Variants in URI1 observed in about 807,000 individuals in gnomAD.
The protein encoded by URI1 is URI1 prefoldin like chaperone.
In URI1, 39 loss-of-function variants were observed where a neutral mutation model predicts 60.2. The observed-to-expected ratio is 0.65, with a 90% CI of 0.50 to 0.85. URI1 has a LOEUF of 0.85. Among genes scored for constraint, URI1 ranks in the 40% least tolerant of loss-of-function variants. The probability of loss-of-function intolerance (pLI) is 0.00; values close to 1 mark genes in which losing one functional copy is unlikely to be tolerated. For missense variants in URI1, 691 were observed against 665.9 expected, an observed-to-expected ratio of 1.04 and a Z score of -0.42; for synonymous variants, 251 against 236.8, an observed-to-expected ratio of 1.06 and a Z score of -0.55.
chr19:29,957,613 G>C (rs1324287975), intron 1 of URI1, among the ~76,000 whole-genome samples: 2 of 151,946 alleles, frequency 1.3e-5, no homozygotes, highest in African/African-American at 4.8e-5. Context: ...TTACTATTCT[G>C]ACCCTTTGCT....
At chr19:29,987,887 G>A (rs934652922) in intron 4 of URI1, among the ~76,000 whole-genome samples, 2 of 152,112 alleles carry the variant, frequency 1.3e-5, no homozygotes, top group East Asian at 3.8e-4. Flanking sequence ...TAAATTCTGG[G>A]CCGGGCGCAG....
At chr19:29,974,081 A>C (rs2055491560) in intron 2 of URI1, among the ~76,000 whole-genome samples, 1 of 152,102 alleles carries the variant, frequency 6.6e-6, no homozygotes, top group Admixed American at 6.6e-5. Context: ...ATTTGGAGTC[A>C]CAGACCTATA....
intron 2 of URI1, among the ~76,000 whole-genome samples, chr19:29,978,804 A>G (rs1475446154): frequency 6.6e-6 from 1 of 152,094 alleles, no homozygotes; most frequent in Admixed American, 6.6e-5. Context: ...GGGTTTTCAC[A>G]TTTTTCTTTT....
At position 29,949,675 on chromosome 19, in the gene URI1, A is replaced by C. The variant is rs957611071; in HGVS notation, c.117+7011A>C. 7.9e-5 allele frequency among the ~76,000 whole-genome samples: 12 copies of C among 152,348 alleles called. No homozygotes were observed. In the East Asian group the frequency reaches 9.7e-4, roughly 12 times the overall value. ...GCAATCCCGGCACGTCGGGGGGCCA[A>C]GGCTGGCAGATCACTCGCGGTTAGG... On this transcript the variant is annotated intron_variant, in intron 1 of 10. Transcript: ENST00000392271.
At chr19:29,996,330 T>C (rs1416595713) in intron 4 of URI1, among the ~76,000 whole-genome samples, 1 of 152,198 alleles carries the variant, frequency 6.6e-6, no homozygotes, top group Non-Finnish European at 1.5e-5. Flanking sequence ...AAGAGTTTAG[T>C]CCTTTTGGTT....
chr19:29,990,818 A>G (rs2055736943), intron 4 of URI1, among the ~76,000 whole-genome samples: 1 of 152,240 alleles, frequency 6.6e-6, no homozygotes, highest in African/African-American at 2.4e-5. Flanking sequence ...CCCTTTGAAT[A>G]TACGAAAACC....
chr19:29,984,629 G>T (rs461969), intron 2 of URI1, among the ~76,000 whole-genome samples: 1,814 of 152,158 alleles, frequency 0.012, 51 homozygotes, highest in African/African-American at 0.042. Flanking sequence ...TTCAATAAAT[G>T]TATGGTAGAA....
In URI1 at chr19:29,971,108, A is replaced by G. The variant is rs2096123760; in HGVS notation, c.118-85A>G. The G allele has an allele frequency of 4.7e-6, 6 of 1,289,500 alleles. No homozygotes were observed. The South Asian group carries it at 4.9e-5, about 11-fold the overall frequency. The allele number at this position is 1,289,500 out of a possible 1,614,324, so 79.9% of individuals were successfully genotyped here. A position where few individuals can be genotyped will look rare whatever the true frequency, so the allele number is the denominator to read the frequency against. The stretch of plus-strand genomic sequence containing the variant: ...AGATGCTATTAAATCTGTAAAGCCA[A>G]TGTTCTAGTTTTCAGATACACTGAT... On this transcript the variant is annotated intron_variant, in intron 1 of 10. Coordinates refer to ENST00000392271, the MANE Select transcript of URI1 (RefSeq NM_003796.3).
chr19:30,016,316 A>C lies in URI1; in HGVS notation c.*1247A>C, dbSNP rs1189621141. On this transcript the variant is annotated 3_prime_UTR_variant, in exon 11 of 11. Coordinates refer to ENST00000392271, the MANE Select transcript of URI1 (RefSeq NM_003796.3). The stretch of plus-strand genomic sequence containing the variant: ...CCCCACTAGTTAATGGATAATTCAA[A>C]CCGAGGACTGATTTTGAAAGATCAC... 6.6e-6 allele frequency: 1 copy of C among 152,164 alleles called. No homozygotes were observed. Among genetic ancestry groups the C allele is most frequent in the Non-Finnish European group, 1.5e-5 (1 of 67,978 alleles). The allele number at this position is 152,164 out of a possible 1,614,324, so 9.4% of individuals were successfully genotyped here. A position where few individuals can be genotyped will look rare whatever the true frequency, so the allele number is the denominator to read the frequency against.
rs371849144 is a variant in URI1 at position 30,012,369 on chromosome 19, C to T, written c.1263C>T (p.Ser421=). Residue 421 remains serine (S), a synonymous_variant, in exon 10 of 11, where the codon AGC becomes AGT. Transcript: ENST00000392271. ...KSRSRENSVC[S]DTSESSAAEF... ...GAAGTAGAGAGAATAGTGTGTGTAG[C>T]GACACTAGTGAAAGCAGTGCTGCTG... is the stretch of plus-strand genomic sequence containing the variant. 14 of 1,614,026 alleles carry T rather than the reference C, an allele frequency of 8.7e-6. No individual in the cohort carries two copies. The highest frequency in any genetic ancestry group is 4.5e-5 in the East Asian group (2 of 44,888).
At chr19:29,936,938 G>A (rs1005186538) in intron 1 of URI1, among the ~76,000 whole-genome samples, 1 of 152,062 alleles carries the variant, frequency 6.6e-6, no homozygotes, top group Non-Finnish European at 1.5e-5. Flanking sequence ...TTTTAGTAGA[G>A]ATGGGGTTTC....
upstream of URI1, among the ~76,000 whole-genome samples, chr19:29,938,876 C>A (rs2054996516): frequency 6.6e-6 from 1 of 151,544 alleles, no homozygotes; most frequent in Non-Finnish European, 1.5e-5. Flanking sequence ...TGGGGTTTCA[C>A]CATGTTAGCC....
intron 4 of URI1, among the ~76,000 whole-genome samples, chr19:29,999,558 T>C (rs190825866): frequency 1.1e-3 from 175 of 152,216 alleles, no homozygotes; most frequent in Non-Finnish European, 1.8e-3. Context: ...TTGTTGAAGA[T>C]TTCTTGTTTG....
intron 4 of URI1, among the ~76,000 whole-genome samples, chr19:29,999,440 C>T (rs1288306125): frequency 1.3e-5 from 2 of 152,076 alleles, no homozygotes; most frequent in Non-Finnish European, 2.9e-5. Flanking sequence ...TTTTGCTAAA[C>T]ATAGAATTCT....
rs148436118 is a variant in URI1, at chr19:29,944,386, C to G, written c.117+1722C>G. 3.5e-3 allele frequency among the ~76,000 whole-genome samples: 530 copies of G among 150,968 alleles called. 5 individuals carry two copies. The highest frequency in any genetic ancestry group is 0.012 in the African/African-American group (514 of 41,166). ...GGATGGTGTTTCTATTGCCTTTCCT[C>G]TGCTGCAGTGGGTTAATTTCACCTC... On this transcript the variant is annotated intron_variant, in intron 1 of 10. Coordinates refer to ENST00000392271, the MANE Select transcript of URI1 (RefSeq NM_003796.3).
intron 2 of URI1, among the ~76,000 whole-genome samples, chr19:29,978,445 A>T (rs2145349580): frequency 6.6e-6 from 1 of 152,218 alleles, no homozygotes. Context: ...TCTTTGTCTC[A>T]ACTGTATTAG....
chr19:29,945,245 A>T (rs1319522881), intron 1 of URI1, among the ~76,000 whole-genome samples: 3 of 152,214 alleles, frequency 2.0e-5, no homozygotes, highest in Admixed American at 2.0e-4. Flanking sequence ...CCTTAGGCTT[A>T]GGGCATAATC....
At position 30,011,082 on chromosome 19, in the gene URI1, CT is replaced by C; in HGVS notation, c.1036-11del. 1 of 1,592,312 alleles carries C rather than the reference CT, an allele frequency of 6.3e-7. No individual in the cohort carries two copies. Among genetic ancestry groups the C allele is most frequent in the Non-Finnish European group, 8.5e-7 (1 of 1,173,542 alleles). ...GTCAAAAGATTCTTAATTTCTTGCT[CT>C]GAAATTTTAGGTCCGAATAAATACT... On this transcript the variant is annotated splice_polypyrimidine_tract_variant and intron_variant, in intron 8 of 10. Coordinates refer to ENST00000392271, the MANE Select transcript of URI1 (RefSeq NM_003796.3).
At chr19:29,994,099 T>G (rs979887218) in intron 4 of URI1, among the ~76,000 whole-genome samples, 1 of 152,090 alleles carries the variant, frequency 6.6e-6, no homozygotes. Flanking sequence ...TTTGTACTTG[T>G]GTGTATCTGT....
Sources: gnomAD v4.1 joint callset for allele counts (sites outside exome capture counted in the v4.1 genomes callset) on GRCh38, gnomAD v4.1.1 for gene constraint, MANE v1.5 for transcripts, NCBI Gene and HGNC (gene_info 2026-07-23, HGNC 2026-07-21) for gene names.